EVI5: variants seen among roughly 807,000 people sequenced by gnomAD.
EVI5 encodes ecotropic viral integration site 5, also known as ecotropic viral integration site 5 protein homolog.
In EVI5, 73 loss-of-function variants were observed where a neutral mutation model predicts 112.0. That is an observed-to-expected ratio of 0.65 (90% CI 0.54 to 0.79). The LOEUF (loss-of-function observed/expected upper bound fraction) is 0.79, where lower values mean the gene tolerates loss of function less well. Ranked by LOEUF, EVI5 falls within the 30% of genes least tolerant of loss-of-function variation. The probability of loss-of-function intolerance (pLI) is 0.00; values close to 1 mark genes in which losing one functional copy is unlikely to be tolerated. For missense variants in EVI5, 900 were observed against 968.8 expected (o/e 0.93, Z 0.94); for synonymous variants, 305 against 319.9 (o/e 0.95, Z 0.50).
chr1:92,640,113 C>T (rs535187140), intron 13 of EVI5, among the ~76,000 whole-genome samples: 2 of 152,276 alleles, frequency 1.3e-5, no homozygotes, highest in African/African-American at 4.8e-5. Flanking sequence ...AAAATTTACT[C>T]AAGATGGATT....
At chr1:92,743,225 C>T (rs916111245) in intron 1 of EVI5, among the ~76,000 whole-genome samples, 16 of 152,004 alleles carry the variant, frequency 1.1e-4, no homozygotes, top group Admixed American at 7.9e-4. Flanking sequence ...CGGTGGCGAG[C>T]GCCTGTAATC....
chr1:92,649,273 T>A (rs1373709969), intron 13 of EVI5, among the ~76,000 whole-genome samples: 1 of 152,256 alleles, frequency 6.6e-6, no homozygotes, highest in Non-Finnish European at 1.5e-5. Flanking sequence ...GGATGGTAGA[T>A]CCTGATCAGC....
At chr1:92,778,868 T>C (rs1455893655) in intron 1 of EVI5, among the ~76,000 whole-genome samples, 2 of 152,218 alleles carry the variant, frequency 1.3e-5, no homozygotes, top group East Asian at 1.9e-4. Flanking sequence ...AATCAAACTA[T>C]ACACTTAAAT....
chr1:92,689,473 C>T (rs913077442), intron 9 of EVI5, among the ~76,000 whole-genome samples: 2 of 152,042 alleles, frequency 1.3e-5, no homozygotes, highest in African/African-American at 4.8e-5. Flanking sequence ...AGTGATCCTC[C>T]CACCTTGGCT....
intron 2 of EVI5, among the ~76,000 whole-genome samples, chr1:92,734,732 G>A (rs1677057846): frequency 6.6e-6 from 1 of 152,142 alleles, no homozygotes; most frequent in African/African-American, 2.4e-5. Context: ...ATGGTAAGCT[G>A]CCAGCTGGGG....
chr1:92,586,270 G>A (rs1672760700), intron 18 of EVI5, among the ~76,000 whole-genome samples: 1 of 152,132 alleles, frequency 6.6e-6, no homozygotes, highest in African/African-American at 2.4e-5. Context: ...GCTAAGTGCA[G>A]CCCATGCTTA....
At chr1:92,747,253 A>T (rs1679402650) in intron 1 of EVI5, among the ~76,000 whole-genome samples, 1 of 152,344 alleles carries the variant, frequency 6.6e-6, no homozygotes, top group African/African-American at 2.4e-5. Context: ...ATGTGTGTAT[A>T]TTATATACAA....
upstream of EVI5, among the ~76,000 whole-genome samples, chr1:92,788,716 C>G (rs1454881528): frequency 6.6e-6 from 1 of 152,058 alleles, no homozygotes; most frequent in African/African-American, 2.4e-5. Flanking sequence ...ACTGCTTGAA[C>G]CCAAGAGGTG....
At chr1:92,572,208 T>C (rs760603136) in intron 18 of EVI5, among the ~76,000 whole-genome samples, 1 of 152,122 alleles carries the variant, frequency 6.6e-6, no homozygotes, top group Admixed American at 6.5e-5. Flanking sequence ...ATGATATGCA[T>C]ATTTAAGTGT....
intron 18 of EVI5, among the ~76,000 whole-genome samples, chr1:92,581,468 A>G (rs1206013715): frequency 6.6e-6 from 1 of 152,096 alleles, no homozygotes; most frequent in Non-Finnish European, 1.5e-5. Flanking sequence ...AAGATTACAT[A>G]CTCATTTTCC....
chr1:92,568,582 C>T (rs765568330), intron 18 of EVI5, among the ~76,000 whole-genome samples: 1 of 152,038 alleles, frequency 6.6e-6, no homozygotes, highest in East Asian at 1.9e-4. Context: ...CTACCAGGTA[C>T]CATCCTTGGA....
intron 13 of EVI5, among the ~76,000 whole-genome samples, chr1:92,656,187 A>G (rs1171279685): frequency 6.6e-6 from 1 of 152,216 alleles, no homozygotes; most frequent in Non-Finnish European, 1.5e-5. Flanking sequence ...AATCAAAATC[A>G]TATCAAGTCT....
Position 92,704,619 on chromosome 1 carries a change from A to T in EVI5, c.275T>A (p.Ile92Asn). 6.2e-7 allele frequency: 1 copy of T among 1,601,232 alleles called. No individual in the cohort carries two copies. Among genetic ancestry groups the T allele is most frequent in the Non-Finnish European group, 8.5e-7 (1 of 1,173,424 alleles). Reference sequence around the variant, plus strand: ...TTCATTAACAATTCTTCCCCAAAGAATCCAAGAATCTTCTTCAAGGTGACT... The same window carrying T: ...TTCATTAACAATTCTTCCCCAAAGATTCCAAGAATCTTCTTCAAGGTGACT... Reference protein sequence around the residue: ...NLSHLEEDSWILWGRIVNEWE... With the variant: ...NLSHLEEDSWNLWGRIVNEWE... The change falls in exon 3 of 20, where the codon ATT becomes AAT. Residue 92 changes from isoleucine (I) to asparagine (N), a missense_variant. By Grantham distance (149) the Ile-to-Asn change is moderately radical. Transcript: ENST00000684568.
chr1:92,764,825 A>T (rs1570844309), intron 1 of EVI5, among the ~76,000 whole-genome samples: 1 of 152,218 alleles, frequency 6.6e-6, no homozygotes, highest in African/African-American at 2.4e-5. Flanking sequence ...AACAAATTAC[A>T]ATTTATTTGT....
intron 18 of EVI5, among the ~76,000 whole-genome samples, chr1:92,575,434 T>G (rs1670911258): frequency 6.6e-6 from 1 of 152,148 alleles, no homozygotes; most frequent in African/African-American, 2.4e-5. Flanking sequence ...GAAGATAGTT[T>G]TTTTTCAGAT....
intron 14 of EVI5, among the ~76,000 whole-genome samples, chr1:92,635,412 G>A (rs1385128734): frequency 6.6e-6 from 1 of 152,186 alleles, no homozygotes; most frequent in African/African-American, 2.4e-5. Flanking sequence ...CTGCCGCCTT[G>A]CAGTTTGATC....
upstream of EVI5, among the ~76,000 whole-genome samples, chr1:92,788,293 A>G (rs1257839287): frequency 3.3e-5 from 5 of 151,562 alleles, no homozygotes; most frequent in African/African-American, 9.7e-5. Flanking sequence ...AACACAGTGA[A>G]ACCCCATCTC....
chr1:92,792,017 T>C (rs1686138424), intron 1 of EVI5, among the ~76,000 whole-genome samples: 1 of 152,224 alleles, frequency 6.6e-6, no homozygotes, highest in African/African-American at 2.4e-5. Flanking sequence ...ATGTGTATAT[T>C]CAAAGAAACG....
intron 10 of EVI5, among the ~76,000 whole-genome samples, chr1:92,674,202 T>C (rs368560239): frequency 3.9e-5 from 6 of 152,260 alleles, no homozygotes; most frequent in African/African-American, 9.6e-5. Flanking sequence ...GGCTAATGAA[T>C]TGTAAATAAG....
Sources: gnomAD v4.1 joint callset for allele counts (sites outside exome capture counted in the v4.1 genomes callset) on GRCh38, gnomAD v4.1.1 for gene constraint, MANE v1.5 for transcripts, NCBI Gene and HGNC (gene_info 2026-07-23, HGNC 2026-07-21) for gene names.